Variants in ENTPD5 observed in about 807,000 individuals in gnomAD.
The protein encoded by ENTPD5 is ectonucleoside triphosphate diphosphohydrolase 5 (inactive), also known as nucleoside diphosphate phosphatase ENTPD5.
A neutral mutation model predicts 60.2 loss-of-function variants in ENTPD5; 49 were observed. That is an observed-to-expected ratio of 0.81 (90% confidence interval 0.65 to 1.03). The LOEUF (loss-of-function observed/expected upper bound fraction) is 1.03, where lower values mean the gene tolerates loss of function less well. Ranked by LOEUF, ENTPD5 falls within the 50% of genes least tolerant of loss-of-function variation. The pLI is 0.00. For synonymous variants in ENTPD5, 187 were observed against 185.4 expected, an observed-to-expected ratio of 1.01 and a Z score of -0.07; for missense variants, 480 against 507.6, an observed-to-expected ratio of 0.95 and a Z score of 0.52.
At chr14:73,990,836 A>C (rs2058099659) in intron 3 of ENTPD5, among the ~76,000 whole-genome samples, 1 of 151,254 alleles carries the variant, frequency 6.6e-6, no homozygotes, top group South Asian at 2.1e-4. Flanking sequence ...CGAGACCAGC[A>C]TGACCAATAT....
rs984692842 is a variant in ENTPD5 at position 73,963,833 on chromosome 14, A to G, written c.*3095T>C. On this transcript the variant is annotated 3_prime_UTR_variant, in exon 16 of 16. Coordinates refer to ENST00000334696, the MANE Select transcript of ENTPD5 (RefSeq NM_001249.5). ...ACATCTTGCCCAGAAGTCTGATTTG[A>G]GATGAAATGAAGAGAAACAGTCTGC... 3.9e-5 allele frequency: 6 copies of G among 152,246 alleles called. No individual in the cohort carries two copies. Among genetic ancestry groups the G allele is most frequent in the African/African-American group, 1.4e-4 (6 of 41,462 alleles). The allele number at this position is 152,246 out of a possible 1,614,324, so 9.4% of individuals were successfully genotyped here.
chr14:73,969,932 A>G (rs1026221526), intron 15 of ENTPD5, 78 bp downstream of exon 15: 14 of 1,005,606 alleles, frequency 1.4e-5, no homozygotes, highest in Admixed American at 5.2e-5. Flanking sequence ...AGCTACTCTG[A>G]TTACTGAACA....
intron 2 of ENTPD5, among the ~76,000 whole-genome samples, chr14:74,013,219 G>C (rs2058899796): frequency 6.6e-6 from 1 of 152,186 alleles, no homozygotes; most frequent in South Asian, 2.1e-4. Flanking sequence ...ACCAATGCTA[G>C]AGTTAAACTA....
At chr14:73,991,934 G>T (rs1185516441) in intron 3 of ENTPD5, among the ~76,000 whole-genome samples, 1 of 151,458 alleles carries the variant, frequency 6.6e-6, no homozygotes, top group East Asian at 1.9e-4. Flanking sequence ...GGGAGGTGAA[G>T]GGTGCAGTGA....
chr14:74,013,186 G>A (rs925755399), intron 2 of ENTPD5, among the ~76,000 whole-genome samples: 10 of 152,140 alleles, frequency 6.6e-5, no homozygotes, highest in Admixed American at 2.6e-4. Context: ...TGATGTTACC[G>A]GTCTGTGGAC....
chr14:73,973,272 G>A (rs1378141236), intron 12 of ENTPD5, among the ~76,000 whole-genome samples: 1 of 152,228 alleles, frequency 6.6e-6, no homozygotes, highest in East Asian at 1.9e-4. Flanking sequence ...ACCTTGTGCT[G>A]CTGCCTAGCA....
At chr14:74,004,924 G>A (rs1474361974) in intron 3 of ENTPD5, among the ~76,000 whole-genome samples, 2 of 152,066 alleles carry the variant, frequency 1.3e-5, no homozygotes, top group African/African-American at 4.8e-5. Flanking sequence ...CTTGGAGGCT[G>A]GCTACTGTAA....
In ENTPD5 at chr14:73,996,206, T is replaced by C. The variant is rs896928680; in HGVS notation, c.-70-8034A>G. 4.4e-5 allele frequency: 43 copies of C among 985,224 alleles called. 1 individual carries two copies. The African/African-American group carries it at 7.5e-4, about 17-fold the overall frequency. The allele number at this position is 985,224 out of a possible 1,614,324, so 61.0% of individuals were successfully genotyped here. On this transcript the variant is annotated intron_variant, in intron 3 of 15. Transcript: ENST00000334696. ...GCTCTTCTTAATCAAGCGAGCCTCA[T>C]GAACCGCATTCACCTTTGTGCCAGT...
chr14:73,973,741 A>T, intron 12 of ENTPD5, 136 bp downstream of exon 12: 2 of 693,760 alleles, frequency 2.9e-6, no homozygotes, highest in East Asian at 2.7e-5. Context: ...TAGTCCTTGG[A>T]GGCATGCCAA....
intron 13 of ENTPD5, 109 bp downstream of exon 13, chr14:73,972,775 A>T: frequency 7.9e-7 from 1 of 1,267,030 alleles, no homozygotes; most frequent in Non-Finnish European, 1.1e-6. Context: ...ACTAGAAAAG[A>T]GGTGGGTAAT....
rs566449043 is a variant in ENTPD5 at position 74,010,616 on chromosome 14, C to T, written c.-71+475G>A. On this transcript the variant is annotated intron_variant, in intron 3 of 15. Coordinates refer to ENST00000334696, the MANE Select transcript of ENTPD5 (RefSeq NM_001249.5). Reference sequence around the variant, plus strand: ...ATATAATTTCCTACAGGGAAAACCACTTTTATTTATAGTTCAAAGTCATGA... The same window carrying T: ...ATATAATTTCCTACAGGGAAAACCATTTTTATTTATAGTTCAAAGTCATGA... Among the ~76,000 whole-genome samples the T allele has an allele frequency of 5.3e-5, 8 of 152,046 alleles. No homozygotes were observed. The East Asian group carries it at 1.2e-3, about 22-fold the overall frequency.
chr14:73,966,676 C>T lies in ENTPD5; in HGVS notation c.*252G>A, dbSNP rs918637167. 11 of 383,128 alleles carry T rather than the reference C, an allele frequency of 2.9e-5. No individual in the cohort carries two copies. The highest frequency in any genetic ancestry group is 2.1e-4 in the African/African-American group (10 of 47,808). The allele number at this position is 383,128 out of a possible 1,614,324, so 23.7% of individuals were successfully genotyped here. A position where few individuals can be genotyped will look rare whatever the true frequency, so the allele number is the denominator to read the frequency against. On this transcript the variant is annotated 3_prime_UTR_variant, in exon 16 of 16. Transcript: ENST00000334696. ...TTTCTTTGGTTTCCAGGGACCTGTC[C>T]CTGGGCTCTCACTCCAAGGTTAAGT...
In ENTPD5 at chr14:73,983,091, G is replaced by T; in HGVS notation, c.368C>A (p.Thr123Asn). The change falls in exon 6 of 16, where the codon ACC becomes AAC. Residue 123 changes from threonine (T) to asparagine (N), a missense_variant. Coordinates refer to ENST00000334696, the MANE Select transcript of ENTPD5 (RefSeq NM_001249.5). Reference sequence around the variant, plus strand: ...TGCTGTTGCCTTTAGGACCACTGGGGTCTTTTTCCAGTGACTTCGGGGGAT... The same window carrying T: ...TGCTGTTGCCTTTAGGACCACTGGGTTCTTTTTCCAGTGACTTCGGGGGAT... Reference protein sequence around the residue: ...DSIPRSHWKKTPVVLKATAGL... With the variant: ...DSIPRSHWKKNPVVLKATAGL... The T allele has an allele frequency of 6.2e-7, 1 of 1,614,088 alleles. No individual in the cohort carries two copies.
chr14:73,982,958 C>T (rs898920083), intron 6 of ENTPD5, 60 bp downstream of exon 6: 13 of 1,555,794 alleles, frequency 8.4e-6, no homozygotes, highest in Non-Finnish European at 1.1e-5. Context: ...GCTAAAAACT[C>T]ATAAAGTATT....
At chr14:73,980,957 G>C (rs1182702332) in intron 6 of ENTPD5, among the ~76,000 whole-genome samples, 1 of 151,820 alleles carries the variant, frequency 6.6e-6, no homozygotes, top group Non-Finnish European at 1.5e-5. Flanking sequence ...AAATTAGCTG[G>C]GAGTGGTGGC....
chr14:73,979,160 T>C (rs1241483504), intron 6 of ENTPD5, among the ~76,000 whole-genome samples: 1 of 152,196 alleles, frequency 6.6e-6, no homozygotes, highest in African/African-American at 2.4e-5. Flanking sequence ...TTGTGTAACT[T>C]GCTTCTTCAT....
chr14:73,974,050 G>A lies in ENTPD5; in HGVS notation c.785-72C>T, dbSNP rs1007033003. Reference sequence around the variant, plus strand: ...AGGGAGGAAGGCAAGCAAGAAGCCAGTGAGGTGGAAAAGAATCACCATGGG... The same window carrying A: ...AGGGAGGAAGGCAAGCAAGAAGCCAATGAGGTGGAAAAGAATCACCATGGG... On this transcript the variant is annotated intron_variant, in intron 11 of 15. Coordinates refer to ENST00000334696, the MANE Select transcript of ENTPD5 (RefSeq NM_001249.5). 11 of 1,290,712 alleles carry A rather than the reference G, an allele frequency of 8.5e-6. No homozygotes were observed. In the African/African-American group the frequency reaches 1.3e-4, roughly 15 times the overall value. The allele number at this position is 1,290,712 out of a possible 1,614,324, so 80.0% of individuals were successfully genotyped here.
intron 3 of ENTPD5, among the ~76,000 whole-genome samples, chr14:73,993,013 C>T (rs1271412353): frequency 6.6e-6 from 1 of 151,986 alleles, no homozygotes; most frequent in Non-Finnish European, 1.5e-5. Flanking sequence ...AAAATAAATA[C>T]ATAAAACAAA....
chr14:73,994,144 G>A (rs547458267), intron 3 of ENTPD5, among the ~76,000 whole-genome samples: 1 of 152,008 alleles, frequency 6.6e-6, no homozygotes, highest in South Asian at 2.1e-4. Flanking sequence ...TATTTATTTT[G>A]AGATGGAGTT....
Sources: allele counts gnomAD v4.1 joint callset (sites outside exome capture counted in the v4.1 genomes callset), GRCh38; gene constraint gnomAD v4.1.1; transcripts MANE v1.5; gene names NCBI Gene and HGNC (gene_info 2026-07-23, HGNC 2026-07-21).